LRRC37A: variants seen among roughly 807,000 people sequenced by gnomAD.
LRRC37A encodes leucine rich repeat containing 37A, also known as leucine-rich repeat-containing protein 37A.
LRRC37A carries 3 observed loss-of-function variants against 35.4 expected under a neutral mutation model. The observed-to-expected ratio is 0.08, with a 90% CI of 0.04 to 0.22. The LOEUF (loss-of-function observed/expected upper bound fraction) is 0.22. LRRC37A is among the 10% of genes least tolerant of loss of function. The pLI is 1.00. For synonymous variants in LRRC37A, 23 were observed against 215.0 expected (o/e 0.11, Z 7.81); for missense variants, 67 against 565.3 (o/e 0.12, Z 8.94).
the LRRC37A span, among the ~76,000 whole-genome samples, chr17:46,278,396 A>ATT: frequency 7.4e-6 from 1 of 136,040 alleles, no homozygotes; most frequent in Admixed American, 7.4e-5. Context: ...GTTTTGTTTT[A>ATT]TTTTGTTTTT....
chr17:46,334,688 T>C (rs1351077593), intron 10 of LRRC37A: 1 of 54,442 alleles, frequency 1.8e-5, no homozygotes, highest in African/African-American at 8.3e-5. Context: ...TCTCCTACTT[T>C]TAAGAGTTTT....
the LRRC37A span, among the ~76,000 whole-genome samples, chr17:46,258,538 AG>A: frequency 6.6e-6 from 1 of 152,010 alleles, no homozygotes; most frequent in Non-Finnish European, 1.5e-5. Flanking sequence ...ACATGTTTAT[AG>A]TAGCACTATT....
chr17:46,256,902 A>G, the LRRC37A span, among the ~76,000 whole-genome samples: 2 of 152,236 alleles, frequency 1.3e-5, no homozygotes, highest in African/African-American at 4.8e-5. Flanking sequence ...GGCGGCTATG[A>G]TTATCAACTT....
chr17:46,250,369 A>G, the LRRC37A span, among the ~76,000 whole-genome samples: 4 of 152,244 alleles, frequency 2.6e-5, no homozygotes, highest in Admixed American at 6.5e-5. Flanking sequence ...ATTGAAGGAT[A>G]CAAAATATTG....
chr17:46,257,779 A>AC, the LRRC37A span, among the ~76,000 whole-genome samples: 1 of 151,344 alleles, frequency 6.6e-6, no homozygotes, highest in Non-Finnish European at 1.5e-5. Context: ...CCATGATCAT[A>AC]CCACTGCACT....
upstream of LRRC37A, among the ~76,000 whole-genome samples, chr17:46,288,085 C>G (rs1286659875): frequency 2.6e-5 from 4 of 152,118 alleles, no homozygotes; most frequent in Admixed American, 1.3e-4. Flanking sequence ...CGTCCTCAAG[C>G]TTCAAATTGA....
At chr17:46,276,790 C>CTTTTTTTTTTTTTTTTTT in the LRRC37A span, among the ~76,000 whole-genome samples, 6 of 134,314 alleles carry the variant, frequency 4.5e-5, no homozygotes, top group Non-Finnish European at 6.4e-5. Flanking sequence ...TTCTTTTTTT[C>CTTTTTTTTTTTTTTTTTT]TTTTTTTTTT....
chr17:46,280,031 T>G, the LRRC37A span, among the ~76,000 whole-genome samples: 1 of 152,186 alleles, frequency 6.6e-6, no homozygotes, highest in African/African-American at 2.4e-5. Context: ...TGAGTCAGAG[T>G]AATTCTCATT....
At chr17:46,275,952 G>A in the LRRC37A span, among the ~76,000 whole-genome samples, 18,555 of 151,660 alleles carry the variant, frequency 0.12, no homozygotes, top group Non-Finnish European at 0.18. Flanking sequence ...GTGCAAAGGC[G>A]CGATCTTGGC....
At chr17:46,282,188 T>C in the LRRC37A span, among the ~76,000 whole-genome samples, 168 of 122,094 alleles carry the variant, frequency 1.4e-3, 1 homozygote, top group Non-Finnish European at 2.2e-3. Flanking sequence ...CTGCAAGCTC[T>C]GTCTCCCGGG....
chr17:46,268,410 G>C, the LRRC37A span: 5 of 952,226 alleles, frequency 5.3e-6, no homozygotes, highest in Non-Finnish European at 7.1e-6. Flanking sequence ...CAAGATAGTA[G>C]ATTGCAGCTT....
the LRRC37A span, among the ~76,000 whole-genome samples, chr17:46,264,678 C>T: frequency 6.6e-6 from 1 of 152,248 alleles, no homozygotes; most frequent in African/African-American, 2.4e-5. Flanking sequence ...AGTGTGATTT[C>T]TAAGGCTGCA....
chr17:46,281,189 C>T, the LRRC37A span, among the ~76,000 whole-genome samples: 3 of 151,960 alleles, frequency 2.0e-5, no homozygotes, highest in South Asian at 4.1e-4. Context: ...TCCATTTGTC[C>T]ACCTGGCTTA....
upstream of LRRC37A, among the ~76,000 whole-genome samples, chr17:46,291,503 C>T (rs972726029): frequency 5.3e-5 from 8 of 149,822 alleles, no homozygotes; most frequent in African/African-American, 2.0e-4. Context: ...GATAGGCTCC[C>T]TGCTGGAAGT....
At chr17:46,265,180 CA>C in the LRRC37A span, among the ~76,000 whole-genome samples, 1 of 152,016 alleles carries the variant, frequency 6.6e-6, no homozygotes, top group Non-Finnish European at 1.5e-5. Context: ...TAGATTAACC[CA>C]CCTCCTTCAG....
chr17:46,273,979 G>C, the LRRC37A span, among the ~76,000 whole-genome samples: 1 of 152,224 alleles, frequency 6.6e-6, no homozygotes, highest in African/African-American at 2.4e-5. Context: ...TTTTTCGTTA[G>C]TATGATCAAC....
the LRRC37A span, chr17:46,267,090 T>C: frequency 0.2 from 73,227 of 373,066 alleles, 8,335 homozygotes; most frequent in Middle Eastern, 0.26. Flanking sequence ...GGCGCCGAGC[T>C]CTGCGCTTGC....
chr17:46,270,457 A>G, the LRRC37A span, among the ~76,000 whole-genome samples: 7 of 152,374 alleles, frequency 4.6e-5, no homozygotes, highest in Middle Eastern at 0.01. Context: ...GTCCAAATTT[A>G]TTATAAATTT....
At chr17:46,291,890 G>C (rs2050077922), upstream of LRRC37A, among the ~76,000 whole-genome samples, 1 of 151,474 alleles carries the variant, frequency 6.6e-6, no homozygotes, top group South Asian at 2.1e-4. Context: ...GATCTGGGTA[G>C]GGGGAGGCTG....
Sources: allele counts gnomAD v4.1 joint callset (sites outside exome capture counted in the v4.1 genomes callset), GRCh38; gene constraint gnomAD v4.1.1; transcripts MANE v1.5; gene names NCBI Gene and HGNC (gene_info 2026-07-23, HGNC 2026-07-21).